The following CSMD1 variants were observed in gnomAD, a reference collection of about 807,000 sequenced individuals.
The protein encoded by CSMD1 is CUB and sushi domain-containing protein 1.
A neutral mutation model predicts 417.5 loss-of-function variants in CSMD1; 213 were observed. The ratio of observed to expected loss-of-function variants is 0.51; its 90% confidence interval spans 0.46 to 0.57. The LOEUF is 0.57. Among genes scored for constraint, CSMD1 ranks in the 20% least tolerant of loss-of-function variants. CSMD1 has a pLI of 0.00. For missense variants in CSMD1, 6,923 were observed against 4,529.7 expected, an observed-to-expected ratio of 1.53 and a Z score of -15.17; for synonymous variants, 2,862 against 1,736.8, an observed-to-expected ratio of 1.65 and a Z score of -16.11.
At chr8:3,160,678 C>T (rs1249237626) in intron 38 of CSMD1, among the ~76,000 whole-genome samples, 1 of 152,210 alleles carries the variant, frequency 6.6e-6, no homozygotes, top group African/African-American at 2.4e-5. Flanking sequence ...TGGCTTTATA[C>T]ATTGATACTG....
At chr8:3,659,559 G>A (rs555154786) in intron 7 of CSMD1, among the ~76,000 whole-genome samples, 1 of 152,008 alleles carries the variant, frequency 6.6e-6, no homozygotes, top group African/African-American at 2.4e-5. Context: ...TTTTCGGGGG[G>A]TTATCATATT....
chr8:4,268,483 T>A (rs548779150), intron 3 of CSMD1, among the ~76,000 whole-genome samples: 1 of 152,182 alleles, frequency 6.6e-6, no homozygotes, highest in Non-Finnish European at 1.5e-5. Context: ...CTTACGTTTC[T>A]AAGTATTTTG....
At chr8:4,450,087 C>A (rs1277459195) in intron 2 of CSMD1, among the ~76,000 whole-genome samples, 1 of 152,202 alleles carries the variant, frequency 6.6e-6, no homozygotes, top group African/African-American at 2.4e-5. Flanking sequence ...TCCTGTCTCA[C>A]TTCTGCTCAA....
At chr8:3,779,619 G>A (rs960115202) in intron 5 of CSMD1, among the ~76,000 whole-genome samples, 7 of 152,218 alleles carry the variant, frequency 4.6e-5, no homozygotes, top group African/African-American at 1.7e-4. Flanking sequence ...ATAAAATATG[G>A]ATAATGACAG....
chr8:4,146,984 C>G (rs1260938473), intron 3 of CSMD1, among the ~76,000 whole-genome samples: 1 of 151,934 alleles, frequency 6.6e-6, no homozygotes, highest in African/African-American at 2.4e-5. Context: ...AGAGCTCCGC[C>G]AGCACTTCCT....
chr8:4,464,344 A>G (rs1168945140), intron 2 of CSMD1, among the ~76,000 whole-genome samples: 1 of 152,164 alleles, frequency 6.6e-6, no homozygotes, highest in Non-Finnish European at 1.5e-5. Flanking sequence ...GTTCTAATAA[A>G]AACATTGTAA....
At chr8:3,494,513 T>G (rs1400166924) in intron 10 of CSMD1, among the ~76,000 whole-genome samples, 2 of 151,770 alleles carry the variant, frequency 1.3e-5, no homozygotes, top group Admixed American at 6.6e-5. Context: ...GATGATAGAT[T>G]AGATGGATGG....
intron 3 of CSMD1, among the ~76,000 whole-genome samples, chr8:4,095,895 T>G (rs1344532557): frequency 6.6e-6 from 1 of 152,194 alleles, no homozygotes; most frequent in Non-Finnish European, 1.5e-5. Flanking sequence ...AGTAGAAACT[T>G]TATACACACA....
At chr8:3,064,141 G>A (rs1278726626) in intron 49 of CSMD1, among the ~76,000 whole-genome samples, 8 of 152,172 alleles carry the variant, frequency 5.3e-5, no homozygotes, top group Admixed American at 5.2e-4. Flanking sequence ...ACAGGTTACT[G>A]AATACGTTTT....
chr8:4,216,649 T>C lies in CSMD1; in HGVS notation c.416-184550A>G, dbSNP rs575516302. Among the ~76,000 whole-genome samples, 59 of 152,296 alleles carry C rather than the reference T, an allele frequency of 3.9e-4. No individual in the cohort carries two copies. In the South Asian group the frequency reaches 0.01, roughly 26 times the overall value. ...CTGGGCCTCACAGCCCTGTGTTCTT[T>C]CGTAAATGACTGAGTGAAGGGAAGC... On this transcript the variant is annotated intron_variant, in intron 3 of 69. Transcript: ENST00000635120.
intron 3 of CSMD1, among the ~76,000 whole-genome samples, chr8:4,300,784 G>A (rs901232283): frequency 2.0e-5 from 3 of 152,236 alleles, no homozygotes; most frequent in African/African-American, 7.2e-5. Context: ...AACATGCAGT[G>A]TTTGGTTTTT....
chr8:3,191,418 T>C (rs1351885484), intron 33 of CSMD1, among the ~76,000 whole-genome samples: 2 of 152,064 alleles, frequency 1.3e-5, no homozygotes, highest in African/African-American at 2.4e-5. Flanking sequence ...ATCACACCAC[T>C]GCACTCCAGC....
intron 10 of CSMD1, among the ~76,000 whole-genome samples, chr8:3,539,774 A>AAC (rs1798360651): frequency 6.6e-6 from 1 of 151,898 alleles, no homozygotes; most frequent in Non-Finnish European, 1.5e-5. Context: ...AAAAAAAAAA[A>AAC]AAAACACAAG....
chr8:4,951,592 A>G (rs1426508090), intron 1 of CSMD1, among the ~76,000 whole-genome samples: 2 of 78,368 alleles, frequency 2.6e-5, no homozygotes, highest in African/African-American at 6.7e-5. Context: ...CAAAAAAAAA[A>G]GAAAAACCTG....
At chr8:4,465,299 A>C (rs75115267) in intron 2 of CSMD1, among the ~76,000 whole-genome samples, 1 of 152,138 alleles carries the variant, frequency 6.6e-6, no homozygotes, top group Non-Finnish European at 1.5e-5. Flanking sequence ...CCCAGACACT[A>C]GGATGTCTTG....
intron 2 of CSMD1, among the ~76,000 whole-genome samples, chr8:4,614,251 G>C (rs1006408521): frequency 7.2e-5 from 11 of 152,306 alleles, no homozygotes; most frequent in Non-Finnish European, 1.2e-4. Context: ...CCCAAGACTA[G>C]TTCAGGCTAC....
At chr8:4,358,259 C>T (rs1200501448) in intron 3 of CSMD1, among the ~76,000 whole-genome samples, 3 of 152,142 alleles carry the variant, frequency 2.0e-5, no homozygotes, top group Admixed American at 1.3e-4. Context: ...TGAACTTTTG[C>T]TTTACCAGTG....
chr8:4,694,910 A>G (rs1807016088), intron 1 of CSMD1, among the ~76,000 whole-genome samples: 1 of 152,190 alleles, frequency 6.6e-6, no homozygotes, highest in South Asian at 2.1e-4. Flanking sequence ...TCCAATCTAT[A>G]GCCAAGGAAA....
intron 12 of CSMD1, among the ~76,000 whole-genome samples, chr8:3,420,262 C>T (rs570371295): frequency 6.6e-6 from 1 of 152,104 alleles, no homozygotes; most frequent in Non-Finnish European, 1.5e-5. Flanking sequence ...CAGATAAATA[C>T]AACCTGAGGA....
Sources: allele counts gnomAD v4.1 joint callset (sites outside exome capture counted in the v4.1 genomes callset), GRCh38; gene constraint gnomAD v4.1.1; transcripts MANE v1.5; gene names NCBI Gene and HGNC (gene_info 2026-07-23, HGNC 2026-07-21).